Variants in ATG16L2 observed in about 807,000 individuals in gnomAD.
ATG16L2 encodes protein Atg16l2.
In ATG16L2, 77 loss-of-function variants were observed where a neutral mutation model predicts 84.7. The ratio of observed to expected loss-of-function variants is 0.91; its 90% CI spans 0.76 to 1.10. The LOEUF (loss-of-function observed/expected upper bound fraction) is 1.10, where lower values mean the gene tolerates loss of function less well. Among genes scored for constraint, ATG16L2 ranks in the 50% least tolerant of loss-of-function variants. ATG16L2 has a pLI of 0.00. For missense variants in ATG16L2, 782 were observed against 817.6 expected (o/e 0.96, Z 0.53); for synonymous variants, 361 against 342.8 (o/e 1.05, Z -0.59).
intron 7 of ATG16L2, chr11:72,823,613 G>A (rs1156987594): frequency 2.3e-6 from 1 of 428,604 alleles, no homozygotes; most frequent in South Asian, 1.7e-5. Context: ...GGCATGAGAT[G>A]CCAGTCCCCA....
In ATG16L2 at chr11:72,841,458, T is replaced by C. The variant is rs142241169; in HGVS notation, c.*22-1159T>C. 25 of 1,611,014 alleles carry C rather than the reference T, an allele frequency of 1.6e-5. No homozygotes were observed. The African/African-American group carries it at 2.9e-4, about 19-fold the overall frequency. On this transcript the variant is annotated intron_variant, in intron 5 of 5. Transcript: ENST00000534905. Reference sequence around the variant, plus strand: ...CATGCCCAGGAGAACCCTTACCGTTTGCTGAAGGAGACCGGGGAAAGTACA... The same window carrying C: ...CATGCCCAGGAGAACCCTTACCGTTCGCTGAAGGAGACCGGGGAAAGTACA...
chr11:72,825,813 CTGT>C (rs1315665415), intron 10 of ATG16L2, among the ~76,000 whole-genome samples: 3 of 152,140 alleles, frequency 2.0e-5, no homozygotes, highest in Non-Finnish European at 4.4e-5. Context: ...GTCCCAAGCT[CTGT>C]GCTCTGGAGA....
At position 72,822,598 on chromosome 11, in the gene ATG16L2, G is replaced by A; in HGVS notation, c.710+55G>A. On this transcript the variant is annotated intron_variant, in intron 6 of 17. Coordinates refer to ENST00000321297, the MANE Select transcript of ATG16L2 (RefSeq NM_033388.2). The surrounding 1 kb of genome is among the most constrained non-coding windows in gnomAD (Gnocchi z 4.2). The stretch of plus-strand genomic sequence containing the variant: ...TTGCGTTCTGCCTCCCGCCCCGCCT[G>A]CCTGCGGCGACCCAGGCTGCCGACT... 6.3e-7 allele frequency: 1 copy of A among 1,590,674 alleles called. No individual in the cohort carries two copies.
At position 72,822,830 on chromosome 11, in the gene ATG16L2, C is replaced by CTTCA; in HGVS notation, c.711-15_711-12dup. 1 of 1,534,710 alleles carries CTTCA rather than the reference C, an allele frequency of 6.5e-7. No homozygotes were observed. Among genetic ancestry groups the CTTCA allele is most frequent in the Non-Finnish European group, 8.8e-7 (1 of 1,137,610 alleles). ...GGCTTGGTCCCTTGGCCTTTCTGAA[C>CTTCA]TTCATTACCTCTCCTAGGGGCCCGG... On this transcript the variant is annotated splice_polypyrimidine_tract_variant and intron_variant, in intron 6 of 17. Coordinates refer to ENST00000321297, the MANE Select transcript of ATG16L2 (RefSeq NM_033388.2). The surrounding 1 kb of genome is among the most constrained non-coding windows in gnomAD (Gnocchi z 4.2).
chr11:72,831,522 T>A (rs1860605794), downstream of ATG16L2, among the ~76,000 whole-genome samples: 1 of 152,134 alleles, frequency 6.6e-6, no homozygotes, highest in African/African-American at 2.4e-5. Flanking sequence ...AACAAAATTC[T>A]CTTATTCAAG....
chr11:72,821,131 A>T, intron 3 of ATG16L2: 2 of 815,224 alleles, frequency 2.5e-6, no homozygotes, highest in Non-Finnish European at 3.0e-6. Flanking sequence ...GCTTGTGCCC[A>T]AATCTCTTAG....
At chr11:72,817,327 C>A (rs901713959) in intron 2 of ATG16L2, among the ~76,000 whole-genome samples, 3 of 152,074 alleles carry the variant, frequency 2.0e-5, no homozygotes, top group Non-Finnish European at 2.9e-5. Context: ...CCTCTGCCTC[C>A]TGGGTTCAAG....
At chr11:72,827,115 T>G (rs1860410065) in intron 13 of ATG16L2, 73 bp from the exon 14 acceptor site, 1 of 1,216,396 alleles carries the variant, frequency 8.2e-7, no homozygotes, top group South Asian at 1.3e-5. Flanking sequence ...GGCCTCAGCT[T>G]CTCCATATGT....
chr11:72,829,705 C>T, downstream of ATG16L2: 1 of 1,006,878 alleles, frequency 9.9e-7, no homozygotes, highest in Non-Finnish European at 1.2e-6. Context: ...CTGGAAGATC[C>T]AGGCTTGGCC....
At chr11:72,827,120 A>AT in intron 13 of ATG16L2, 68 bp from the exon 14 acceptor site, 3 of 1,269,210 alleles carry the variant, frequency 2.4e-6, no homozygotes, top group Non-Finnish European at 3.4e-6. Flanking sequence ...CAGCTTCTCC[A>AT]TATGTCCTGT....
At chr11:72,818,199 C>G (rs1859797837) in intron 3 of ATG16L2, 1 of 254,950 alleles carries the variant, frequency 3.9e-6, no homozygotes, top group African/African-American at 2.2e-5. Flanking sequence ...GCTCAATATA[C>G]ATTTGCAGAC....
intron 5 of ATG16L2, among the ~76,000 whole-genome samples, chr11:72,841,979 T>A (rs562229425): frequency 6.6e-6 from 1 of 152,316 alleles, no homozygotes; most frequent in African/African-American, 2.4e-5. Context: ...TTCCCCAGGT[T>A]TTGTGCATGT....
intron 5 of ATG16L2, among the ~76,000 whole-genome samples, chr11:72,836,241 G>C (rs571497946): frequency 1.3e-5 from 2 of 152,314 alleles, no homozygotes; most frequent in South Asian, 4.1e-4. Context: ...CTTTGACTAA[G>C]AATGCTCCAT....
chr11:72,825,862 G>A (rs1035892156), intron 10 of ATG16L2, among the ~76,000 whole-genome samples: 1 of 152,170 alleles, frequency 6.6e-6, no homozygotes, highest in Admixed American at 6.5e-5. Context: ...GGCTCCTGGG[G>A]GCTTCCTAGA....
At chr11:72,832,742 G>C (rs1050922461), downstream of ATG16L2, among the ~76,000 whole-genome samples, 12 of 152,214 alleles carry the variant, frequency 7.9e-5, no homozygotes, top group African/African-American at 2.9e-4. Context: ...TCACAGAGCA[G>C]AGCTGGGATA....
At chr11:72,837,173 G>C (rs1288379189) in intron 5 of ATG16L2, 2 of 151,802 alleles carry the variant, frequency 1.3e-5, no homozygotes, top group Non-Finnish European at 2.9e-5. Context: ...TTAAACTTAA[G>C]AATAAGTTTG....
chr11:72,841,430 A>AC (rs1204451866), intron 5 of ATG16L2: 1 of 1,602,544 alleles, frequency 6.2e-7, no homozygotes, highest in South Asian at 1.1e-5. Context: ...ATGCATTTAG[A>AC]CCCATGCCCA....
downstream of ATG16L2, among the ~76,000 whole-genome samples, chr11:72,833,311 T>G (rs116926964): frequency 0.019 from 2,887 of 152,338 alleles, 40 homozygotes; most frequent in Non-Finnish European, 0.029. Context: ...GCTCTTCCAC[T>G]GGAGACACAT....
In ATG16L2 at chr11:72,822,573, T is replaced by G. The variant is rs376832672; in HGVS notation, c.710+30T>G. ...GAGTGGGGATGGGCCGGTCCGACCC[T>G]TGCGTTCTGCCTCCCGCCCCGCCTG... is the stretch of plus-strand genomic sequence containing the variant. On this transcript the variant is annotated intron_variant, in intron 6 of 17. Coordinates refer to ENST00000321297, the MANE Select transcript of ATG16L2 (RefSeq NM_033388.2). This position sits in a 1 kb window ranked among gnomAD's most constrained non-coding sequence, Gnocchi z 4.2. The G allele has an allele frequency of 1.2e-6, 2 of 1,604,878 alleles. No individual in the cohort carries two copies. Among genetic ancestry groups the G allele is most frequent in the African/African-American group, 2.7e-5 (2 of 74,426 alleles).
Sources: allele counts gnomAD v4.1 joint callset (sites outside exome capture counted in the v4.1 genomes callset), GRCh38; gene constraint gnomAD v4.1.1; non-coding constraint Gnocchi (gnomAD v3.1); transcripts MANE v1.5; gene names NCBI Gene and HGNC (gene_info 2026-07-23, HGNC 2026-07-21).